The following ZCCHC2 variants were observed in gnomAD, a reference collection of about 807,000 sequenced individuals.
ZCCHC2 encodes zinc finger CCHC-type containing 2.
In ZCCHC2, 39 loss-of-function variants were observed where a neutral mutation model predicts 103.6. The observed-to-expected ratio is 0.38, with a 90% CI of 0.29 to 0.49. ZCCHC2 has a LOEUF of 0.49. ZCCHC2 is among the 20% of genes least tolerant of loss of function. The pLI, the probability that ZCCHC2 is intolerant of heterozygous loss-of-function variation, is 0.96. For missense variants in ZCCHC2, 1,483 were observed against 1,491.0 expected (o/e 0.99, Z 0.09); for synonymous variants, 687 against 608.9 (o/e 1.13, Z -1.89).
At position 62,524,377 on chromosome 18, in the gene ZCCHC2, A is replaced by G; in HGVS notation, c.939+14A>G. The G allele has an allele frequency of 6.7e-7, 1 of 1,490,968 alleles. No individual in the cohort carries two copies. The allele number at this position is 1,490,968 out of a possible 1,614,324, so 92.4% of individuals were successfully genotyped here. A position where few individuals can be genotyped will look rare whatever the true frequency, so the allele number is the denominator to read the frequency against. On this transcript the variant is annotated intron_variant, in intron 1 of 13. Transcript: ENST00000269499. ...CCCAGGGCCCAGGTAAGGCGCACGG[A>G]GCCTCCCTGGACTCGCGGTGCGATC...
rs1250614301 is a variant in ZCCHC2, at chr18:62,560,627, G to A, written c.1533G>A (p.Gly511=). 6.2e-7 allele frequency: 1 copy of A among 1,613,136 alleles called. No individual in the cohort carries two copies. Among genetic ancestry groups the A allele is most frequent in the Admixed American group, 1.7e-5 (1 of 59,958 alleles). Residue 511 remains glycine (G), a synonymous_variant, in exon 8 of 14, where the codon GGG becomes GGA. Coordinates refer to ENST00000269499, the MANE Select transcript of ZCCHC2 (RefSeq NM_017742.6). ...QHAIIHKKHT[G]KSPIVNNIGT... The stretch of plus-strand genomic sequence containing the variant: ...CCATAATCCACAAGAAGCATACTGG[G>A]AAAAGTCCCATTGTGAAGTAAGTAT...
chr18:62,575,881 T>C (rs1292644780), intron 13 of ZCCHC2, among the ~76,000 whole-genome samples: 1 of 152,094 alleles, frequency 6.6e-6, no homozygotes, highest in Non-Finnish European at 1.5e-5. Flanking sequence ...TCCTGTTTCA[T>C]AGAGTAAGCA....
In ZCCHC2 at chr18:62,569,993, T is replaced by A. The variant is rs185719706; in HGVS notation, c.1847-110T>A. 5.7e-6 allele frequency: 6 copies of A among 1,059,652 alleles called. No homozygotes were observed. The East Asian group carries it at 1.6e-4, about 29-fold the overall frequency. 65.6% of individuals were successfully genotyped at this position (1,059,652 alleles called of 1,614,324 possible). ...TCAAGGACAAGCTTTTTTAGATGGT[T>A]GTGGGGAAACTGAAGAAAATATAGC... On this transcript the variant is annotated intron_variant, in intron 11 of 13. Transcript: ENST00000269499.
At chr18:62,527,026 C>CCCCCCCCCCCCCCCCCCCG (rs56300716) in intron 1 of ZCCHC2, 1 of 36,520 alleles carries the variant, frequency 2.7e-5, no homozygotes, top group Non-Finnish European at 5.4e-5. Flanking sequence ...CCCCCCCCCC[C>CCCCCCCCCCCCCCCCCCCG]CCCGAAAGTA....
chr18:62,575,601 C>T (rs2145538456), intron 13 of ZCCHC2, 51 bp downstream of exon 13: 1 of 1,554,884 alleles, frequency 6.4e-7, no homozygotes, highest in Non-Finnish European at 8.8e-7. Context: ...CTCATTTCTC[C>T]TTCCTTTCCT....
chr18:62,548,713 A>G (rs775727415), intron 4 of ZCCHC2, among the ~76,000 whole-genome samples: 4 of 150,948 alleles, frequency 2.6e-5, no homozygotes, highest in Non-Finnish European at 3.0e-5. Context: ...ATCTGAGGTC[A>G]GGAGTTCGAG....
intron 1 of ZCCHC2, among the ~76,000 whole-genome samples, chr18:62,533,519 C>T (rs1344309141): frequency 1.3e-5 from 2 of 151,528 alleles, no homozygotes; most frequent in African/African-American, 2.4e-5. Flanking sequence ...AGTCAGACTT[C>T]GTCTCAAAAA....
intron 9 of ZCCHC2, among the ~76,000 whole-genome samples, chr18:62,563,964 G>T (rs1013147364): frequency 6.6e-6 from 1 of 152,178 alleles, no homozygotes; most frequent in East Asian, 1.9e-4. Context: ...GATATGGGGG[G>T]AGGTCCCTGT....
Position 62,572,010 on chromosome 18 carries a change from G to A in ZCCHC2, c.1975+1779G>A, listed in dbSNP as rs139566737. ...TGTACTTCTAATCTGCAGTTTCCTT[G>A]TGAAAGAAAAAAAATGAAAACAACG... On this transcript the variant is annotated intron_variant, in intron 12 of 13. Transcript: ENST00000269499. Among the ~76,000 whole-genome samples the A allele has an allele frequency of 6.6e-3, 1,004 of 152,212 alleles. 7 individuals carry two copies. The highest frequency in any genetic ancestry group is 0.023 in the African/African-American group (956 of 41,520).
intron 5 of ZCCHC2, among the ~76,000 whole-genome samples, chr18:62,554,450 A>AT (rs772414646): frequency 2.6e-5 from 4 of 152,152 alleles, no homozygotes; most frequent in Non-Finnish European, 5.9e-5. Flanking sequence ...CACTCATTTG[A>AT]TTTATCAAAT....
chr18:62,554,651 C>T (rs1915806811), intron 5 of ZCCHC2, among the ~76,000 whole-genome samples: 1 of 152,142 alleles, frequency 6.6e-6, no homozygotes, highest in Non-Finnish European at 1.5e-5. Flanking sequence ...GGGCTGTTGC[C>T]TGGGACTCAG....
At chr18:62,559,178 T>G (rs1252017595) in intron 7 of ZCCHC2, among the ~76,000 whole-genome samples, 3 of 152,192 alleles carry the variant, frequency 2.0e-5, no homozygotes, top group Non-Finnish European at 4.4e-5. Context: ...GAGATCTTAA[T>G]AAATTAGAGC....
At chr18:62,576,314 A>G (rs558076538) in intron 13 of ZCCHC2, among the ~76,000 whole-genome samples, 198 bp from the exon 14 acceptor site, 1 of 152,246 alleles carries the variant, frequency 6.6e-6, no homozygotes, top group Non-Finnish European at 1.5e-5. Flanking sequence ...AGAAAGATCA[A>G]GTTTGATAGC....
chr18:62,541,157 G>A (rs1456265099), intron 2 of ZCCHC2, among the ~76,000 whole-genome samples: 1 of 152,124 alleles, frequency 6.6e-6, no homozygotes, highest in Non-Finnish European at 1.5e-5. Flanking sequence ...TCACCACTTT[G>A]GCTCTTATCC....
rs1483291775 is a variant in ZCCHC2, at chr18:62,523,815, G to C, written c.391G>C (p.Gly131Arg). 2 of 1,543,906 alleles carry C rather than the reference G, an allele frequency of 1.3e-6. No homozygotes were observed. The highest frequency in any genetic ancestry group is 2.5e-5 in the East Asian group (1 of 40,688). ...LCNPLELRFL[G>R]SCLEDLARKD... ...CAACCCGCTGGAGCTGCGCTTCCTT[G>C]GCTCGTGCCTGGAGGACCTGGCGCG... is the stretch of plus-strand genomic sequence containing the variant. The change falls in exon 1 of 14, where the codon GGC becomes CGC. Residue 131 changes from glycine (G) to arginine (R), a missense_variant. Gly to Arg is a moderately radical substitution (Grantham distance 125). Coordinates refer to ENST00000269499, the MANE Select transcript of ZCCHC2 (RefSeq NM_017742.6).
chr18:62,552,459 A>T (rs373507166), intron 5 of ZCCHC2: 375 of 152,322 alleles, frequency 2.5e-3, no homozygotes, highest in African/African-American at 8.4e-3. Context: ...ATGTCTTCCC[A>T]GGAGTTAGCC....
At chr18:62,540,412 T>A (rs1915119856) in intron 2 of ZCCHC2, among the ~76,000 whole-genome samples, 1 of 151,472 alleles carries the variant, frequency 6.6e-6, no homozygotes, top group African/African-American at 2.4e-5. Context: ...TATAACAATT[T>A]TGAATTTATG....
chr18:62,586,412 A>G (rs1917171725), exon 15 of ZCCHC2: 1 of 151,778 alleles, frequency 6.6e-6, no homozygotes, highest in Non-Finnish European at 1.5e-5. Context: ...CCCTGGCCTT[A>G]GGGAGCAGTT....
chr18:62,586,480 G>A (rs1179233274), exon 15 of ZCCHC2: 1 of 151,406 alleles, frequency 6.6e-6, no homozygotes, highest in Non-Finnish European at 1.5e-5. Flanking sequence ...CATGTGTAAA[G>A]TTTTCATTTT....
Sources: allele counts gnomAD v4.1 joint callset (sites outside exome capture counted in the v4.1 genomes callset), GRCh38; gene constraint gnomAD v4.1.1; transcripts MANE v1.5; gene names NCBI Gene and HGNC (gene_info 2026-07-23, HGNC 2026-07-21).